The following XKR6 variants were observed in gnomAD, a reference collection of about 807,000 sequenced individuals.
XKR6 encodes XK-related protein 6.
In XKR6, 22 loss-of-function variants were observed where a neutral mutation model predicts 56.7. The observed-to-expected ratio is 0.39, with a 90% confidence interval of 0.28 to 0.55. The LOEUF (loss-of-function observed/expected upper bound fraction) is 0.55, where lower values mean the gene tolerates loss of function less well. XKR6 is among the 20% of genes least tolerant of loss of function. The pLI is 0.66. For synonymous variants in XKR6, 524 were observed against 387.8 expected (o/e 1.35, Z -4.13); for missense variants, 852 against 889.0 (o/e 0.96, Z 0.53).
intron 1 of XKR6, among the ~76,000 whole-genome samples, chr8:11,167,263 A>G (rs950582522): frequency 1.3e-5 from 2 of 152,228 alleles, no homozygotes; most frequent in Non-Finnish European, 2.9e-5. Flanking sequence ...TTCAAAGGAT[A>G]GGAAAGCTTT....
chr8:11,121,929 G>C (rs551374509), intron 1 of XKR6, among the ~76,000 whole-genome samples: 1 of 152,056 alleles, frequency 6.6e-6, no homozygotes, highest in Admixed American at 6.6e-5. Context: ...GCAAACTATC[G>C]CCAGGACAAA....
chr8:10,921,707 A>G (rs1165670453), intron 2 of XKR6, among the ~76,000 whole-genome samples: 3 of 152,168 alleles, frequency 2.0e-5, no homozygotes, highest in Non-Finnish European at 4.4e-5. Context: ...CCACCCTGCT[A>G]CCTGCCCTAT....
chr8:11,094,581 C>T (rs769927354), intron 1 of XKR6, among the ~76,000 whole-genome samples: 2 of 152,150 alleles, frequency 1.3e-5, no homozygotes, highest in Non-Finnish European at 2.9e-5. Flanking sequence ...CCTGGGAACC[C>T]TCTGTCTCCC....
intron 1 of XKR6, among the ~76,000 whole-genome samples, chr8:11,061,317 T>C (rs919498975): frequency 5.3e-5 from 8 of 151,986 alleles, no homozygotes; most frequent in Admixed American, 2.0e-4. Flanking sequence ...GATACAAAAA[T>C]TAGCCAGGCG....
At chr8:11,064,683 A>G (rs1799931969) in intron 1 of XKR6, among the ~76,000 whole-genome samples, 1 of 152,204 alleles carries the variant, frequency 6.6e-6, no homozygotes, top group Admixed American at 6.5e-5. Context: ...GGCATTTATA[A>G]TTCTTCCACT....
At chr8:11,032,098 C>T (rs1799006829) in intron 1 of XKR6, among the ~76,000 whole-genome samples, 1 of 152,206 alleles carries the variant, frequency 6.6e-6, no homozygotes, top group African/African-American at 2.4e-5. Context: ...CTTACTACTC[C>T]TGAATTCTAG....
At chr8:11,150,777 C>T (rs1204158493) in intron 1 of XKR6, among the ~76,000 whole-genome samples, 3 of 144,108 alleles carry the variant, frequency 2.1e-5, no homozygotes, top group African/African-American at 5.4e-5. Flanking sequence ...CGCTTGAGGC[C>T]GGGAGGCAGA....
At chr8:11,073,876 C>G (rs148869759) in intron 1 of XKR6, among the ~76,000 whole-genome samples, 39 of 152,238 alleles carry the variant, frequency 2.6e-4, no homozygotes, top group East Asian at 1.9e-3. Flanking sequence ...GGGCAGGTGA[C>G]CCAGGGCTTC....
chr8:11,178,384 T>A (rs1388203210), intron 1 of XKR6, among the ~76,000 whole-genome samples: 2 of 151,692 alleles, frequency 1.3e-5, no homozygotes, highest in African/African-American at 4.8e-5. Flanking sequence ...GTGGCTTCGG[T>A]CATCAAGCGG....
chr8:10,950,759 G>C (rs927701505), intron 1 of XKR6, among the ~76,000 whole-genome samples: 2 of 152,198 alleles, frequency 1.3e-5, no homozygotes, highest in African/African-American at 4.8e-5. Flanking sequence ...CCCTTGGCTT[G>C]CTGGCCAAAC....
intron 1 of XKR6, among the ~76,000 whole-genome samples, chr8:10,951,522 T>G (rs1277724400): frequency 2.6e-5 from 4 of 152,224 alleles, no homozygotes; most frequent in Non-Finnish European, 4.4e-5. Context: ...GCTACCAGTC[T>G]GTTTCACACT....
At chr8:11,096,486 A>C (rs185434853) in intron 1 of XKR6, among the ~76,000 whole-genome samples, 26 of 152,380 alleles carry the variant, frequency 1.7e-4, no homozygotes, top group African/African-American at 6.0e-4. Context: ...TTAACAAAAC[A>C]CCATTAGAAT....
At chr8:11,161,666 A>T (rs1801820000) in intron 1 of XKR6, among the ~76,000 whole-genome samples, 1 of 152,226 alleles carries the variant, frequency 6.6e-6, no homozygotes, top group Non-Finnish European at 1.5e-5. Context: ...ATAGTTCTTT[A>T]CTATGTTGGG....
chr8:11,118,389 G>C (rs994948404), intron 1 of XKR6, among the ~76,000 whole-genome samples: 4 of 152,210 alleles, frequency 2.6e-5, no homozygotes, highest in African/African-American at 9.6e-5. Flanking sequence ...AATGGTACCA[G>C]CTCCTCCTTG....
At chr8:11,173,340 C>T (rs915853216) in intron 1 of XKR6, among the ~76,000 whole-genome samples, 2 of 146,186 alleles carry the variant, frequency 1.4e-5, no homozygotes, top group African/African-American at 2.6e-5. Flanking sequence ...CGAGACTCCG[C>T]CTTAAAAAAA....
At chr8:11,180,277 A>G (rs1328624522) in intron 1 of XKR6, among the ~76,000 whole-genome samples, 2 of 152,276 alleles carry the variant, frequency 1.3e-5, no homozygotes, top group East Asian at 1.9e-4. Context: ...AAGAGAGCAT[A>G]AAGAATGGCT....
intron 1 of XKR6, among the ~76,000 whole-genome samples, chr8:10,989,966 G>A (rs1797951389): frequency 6.6e-6 from 1 of 152,324 alleles, no homozygotes; most frequent in African/African-American, 2.4e-5. Flanking sequence ...TCTGTATCTA[G>A]GGAATCAGAG....
chr8:11,133,206 G>T (rs1455707714), intron 1 of XKR6, among the ~76,000 whole-genome samples: 1 of 151,888 alleles, frequency 6.6e-6, no homozygotes, highest in Non-Finnish European at 1.5e-5. Context: ...TCAGAAGTAA[G>T]GTATCAAAAC....
chr8:10,950,145 G>C (rs1185005992), intron 1 of XKR6, among the ~76,000 whole-genome samples: 2 of 152,164 alleles, frequency 1.3e-5, no homozygotes, highest in Admixed American at 1.3e-4. Flanking sequence ...CAGAGAGGGA[G>C]GGGCAGCTTC....
Sources: gnomAD v4.1 joint callset for allele counts (sites outside exome capture counted in the v4.1 genomes callset) on GRCh38, gnomAD v4.1.1 for gene constraint, MANE v1.5 for transcripts, NCBI Gene and HGNC (gene_info 2026-07-23, HGNC 2026-07-21) for gene names.